RDX: variants seen among roughly 807,000 people sequenced by gnomAD.
RDX encodes the protein deafness, autosomal recessive 24.
RDX carries 32 observed loss-of-function variants against 83.7 expected under a neutral mutation model. The observed-to-expected ratio is 0.38, with a 90% confidence interval of 0.29 to 0.51. The LOEUF (loss-of-function observed/expected upper bound fraction) is 0.51, where lower values mean the gene tolerates loss of function less well. Ranked by LOEUF, RDX falls within the 20% of genes least tolerant of loss-of-function variation. RDX has a pLI of 0.87. For synonymous variants in RDX, 229 were observed against 222.7 expected (o/e 1.03, Z -0.25); for missense variants, 600 against 689.9 (o/e 0.87, Z 1.46).
rs745324550 is a variant in RDX, at chr11:110,236,177, A to G, written c.1266T>C (p.Ala422=). ...KNQEQLAAEL[A]EFTAKIALLE... ...GAAGTGCAATCTTGGCAGTGAATTC[A>G]GCAAGTTCTGCTGCCTAAAGTAAAC... The change falls in exon 12 of 14, where the codon GCT becomes GCC. Residue 422 remains alanine, a synonymous_variant. Transcript: ENST00000645495. The G allele has an allele frequency of 2.5e-6, 4 of 1,612,628 alleles. No individual in the cohort carries two copies. The South Asian group carries it at 3.3e-5, about 13-fold the overall frequency.
At chr11:110,269,001 T>A (rs995112787) in intron 3 of RDX, among the ~76,000 whole-genome samples, 4 of 150,960 alleles carry the variant, frequency 2.6e-5, no homozygotes, top group East Asian at 1.9e-4. Context: ...TTAATTTATT[T>A]ATTTTTTTGC....
At chr11:110,252,918 C>T (rs1223156558) in intron 9 of RDX, among the ~76,000 whole-genome samples, 1 of 152,178 alleles carries the variant, frequency 6.6e-6, no homozygotes, top group African/African-American at 2.4e-5. Context: ...AGGCACATGC[C>T]ACCATCCTCA....
intron 10 of RDX, among the ~76,000 whole-genome samples, chr11:110,241,081 G>C (rs965117725): frequency 6.7e-6 from 1 of 148,224 alleles, no homozygotes; most frequent in Non-Finnish European, 1.5e-5. Context: ...AAAAAGGGGC[G>C]GGGGGGCAAA....
chr11:110,249,153 T>C lies in RDX; in HGVS notation c.960-1320A>G, dbSNP rs76453916. 4.1e-3 allele frequency among the ~76,000 whole-genome samples: 626 copies of C among 152,312 alleles called. 11 individuals carry two copies. In the East Asian group the frequency reaches 0.05, roughly 12 times the overall value. ...TGGGGAAACTCTTATTATCAGACAA[T>C]ATTGTTTACTTAAGTTGAATCAATA... On this transcript the variant is annotated intron_variant, in intron 9 of 13. Coordinates refer to ENST00000645495, the MANE Select transcript of RDX (RefSeq NM_002906.4).
At chr11:110,285,073 T>C (rs1860927064) in intron 1 of RDX, among the ~76,000 whole-genome samples, 2 of 152,156 alleles carry the variant, frequency 1.3e-5, no homozygotes, top group Admixed American at 1.3e-4. Flanking sequence ...AATTTAGTGA[T>C]TAATGGAAAA....
chr11:110,231,846 A>G lies in RDX; in HGVS notation c.*23T>C. The G allele has an allele frequency of 6.2e-7, 1 of 1,611,482 alleles. No homozygotes were observed. The highest frequency in any genetic ancestry group is 8.5e-7 in the Non-Finnish European group (1 of 1,179,676). ...CTGTTGGTGGTTCAGCTTATGAAGAACATATATGCAAAATAACAGCTCTCA... is the reference window on the plus strand; with the variant it reads ...CTGTTGGTGGTTCAGCTTATGAAGAGCATATATGCAAAATAACAGCTCTCA... On this transcript the variant is annotated 3_prime_UTR_variant, in exon 14 of 14. Coordinates refer to ENST00000645495, the MANE Select transcript of RDX (RefSeq NM_002906.4).
chr11:110,267,561 CACACAA>C (rs1358883652), intron 3 of RDX, among the ~76,000 whole-genome samples: 13 of 143,740 alleles, frequency 9.0e-5, no homozygotes, highest in Non-Finnish European at 1.4e-4. Flanking sequence ...CACACACACA[CACACAA>C]ATAATCTTAA....
chr11:110,216,527 C>A (rs572609449), intron 14 of RDX, among the ~76,000 whole-genome samples: 1 of 144,826 alleles, frequency 6.9e-6, no homozygotes, highest in East Asian at 2.1e-4. Flanking sequence ...TGCGCTACCA[C>A]ACCAATTTTT....
chr11:110,283,677 T>C (rs768599783), intron 1 of RDX, among the ~76,000 whole-genome samples: 33 of 151,924 alleles, frequency 2.2e-4, no homozygotes, highest in Non-Finnish European at 3.8e-4. Flanking sequence ...CTGGAAAACA[T>C]AGCAAGACCC....
At chr11:110,236,026 A>G (rs1212432896) in intron 12 of RDX, 73 bp downstream of exon 12, 1 of 1,034,538 alleles carries the variant, frequency 9.7e-7, no homozygotes. Flanking sequence ...TCTTACACTT[A>G]TCACTACAAA....
chr11:110,268,701 G>C (rs1009165701), intron 3 of RDX, among the ~76,000 whole-genome samples: 3 of 152,000 alleles, frequency 2.0e-5, no homozygotes, highest in African/African-American at 7.2e-5. Context: ...AGAAAGCTCA[G>C]CTGTGAAATT....
chr11:110,215,424 G>A (rs921134235), intron 14 of RDX, among the ~76,000 whole-genome samples: 4 of 151,136 alleles, frequency 2.6e-5, no homozygotes, highest in Admixed American at 1.3e-4. Flanking sequence ...TAATAATAAT[G>A]CTTTCCCTCC....
chr11:110,272,701 T>G, intron 2 of RDX, 82 bp from the exon 3 acceptor site: 1 of 910,748 alleles, frequency 1.1e-6, no homozygotes, highest in Non-Finnish European at 1.7e-6. Context: ...TTTATTAAAG[T>G]GATAAAGTTT....
chr11:110,188,206 A>C (rs1272017313), intron 15 of RDX, among the ~76,000 whole-genome samples: 2 of 152,000 alleles, frequency 1.3e-5, no homozygotes, highest in African/African-American at 4.8e-5. Flanking sequence ...AGGCAGGAGA[A>C]TCACTTGAAC....
intron 9 of RDX, among the ~76,000 whole-genome samples, chr11:110,251,371 T>C (rs1033816612): frequency 3.3e-5 from 5 of 152,246 alleles, no homozygotes; most frequent in Non-Finnish European, 4.4e-5. Flanking sequence ...GGAATTATTA[T>C]AATGGCTATT....
intron 10 of RDX, among the ~76,000 whole-genome samples, chr11:110,242,344 G>A (rs1865131116): frequency 6.6e-6 from 1 of 151,254 alleles, no homozygotes; most frequent in Admixed American, 6.6e-5. Context: ...TTAGGCAGGA[G>A]AATCGCTTGA....
chr11:110,233,269 G>C lies in RDX; in HGVS notation c.1555C>G (p.Gln519Glu). 2 of 1,613,696 alleles carry C rather than the reference G, an allele frequency of 1.2e-6. No homozygotes were observed. Among genetic ancestry groups the C allele is most frequent in the Non-Finnish European group, 8.5e-7 (1 of 1,179,974 alleles). The change falls in exon 13 of 14, where the codon CAG (glutamine) becomes GAG (glutamate). Residue 519 changes from glutamine (Q) to glutamate (E), a missense_variant. By Grantham distance (29) the Gln-to-Glu change is conservative (BLOSUM62 2). Transcript: ENST00000645495. ...RSEEERVTETQKNERVKKQLQ... is the reference protein window; with the variant it reads ...RSEEERVTETEKNERVKKQLQ... Reference sequence around the variant, plus strand: ...TGCTTCTTAACACGCTCATTTTTCTGTGTTTCGGTTACACGTTCTTCCTCG... The same window carrying C: ...TGCTTCTTAACACGCTCATTTTTCTCTGTTTCGGTTACACGTTCTTCCTCG...
intron 14 of RDX, among the ~76,000 whole-genome samples, chr11:110,216,509 AC>A (rs1428755745): frequency 6.6e-6 from 1 of 150,612 alleles, no homozygotes; most frequent in Non-Finnish European, 1.5e-5. Context: ...AGTAGCTGAG[AC>A]TACAGGTGCG....
chr11:110,188,182 T>C (rs573224501), intron 15 of RDX, among the ~76,000 whole-genome samples: 38 of 152,054 alleles, frequency 2.5e-4, no homozygotes, highest in Admixed American at 6.5e-4. Context: ...TGATCCCAGC[T>C]ACTCGGGAGG....
Sources: gnomAD v4.1 joint callset for allele counts (sites outside exome capture counted in the v4.1 genomes callset) on GRCh38, gnomAD v4.1.1 for gene constraint, MANE v1.5 for transcripts, NCBI Gene and HGNC (gene_info 2026-07-23, HGNC 2026-07-21) for gene names.